Variants in RASGEF1A observed in about 807,000 individuals in gnomAD.
The protein encoded by RASGEF1A is ras-GEF domain-containing family member 1A.
In RASGEF1A, 18 loss-of-function variants were observed where a neutral mutation model predicts 56.4. That is an observed-to-expected ratio of 0.32 (90% CI 0.22 to 0.47). RASGEF1A has a LOEUF of 0.47. Among genes scored for constraint, RASGEF1A ranks in the 20% least tolerant of loss-of-function variants. RASGEF1A has a pLI of 1.00. For missense variants in RASGEF1A, 422 were observed against 627.1 expected, an observed-to-expected ratio of 0.67 and a Z score of 3.49; for synonymous variants, 245 against 242.6, an observed-to-expected ratio of 1.01 and a Z score of -0.09.
At chr10:43,206,234 G>A (rs1839994334) in intron 1 of RASGEF1A, 112 bp from the exon 2 acceptor site, 1 of 905,472 alleles carries the variant, frequency 1.1e-6, no homozygotes, top group South Asian at 1.7e-5. Flanking sequence ...TGCGTGGCAG[G>A]GGCGCAGCGG....
intron 1 of RASGEF1A, among the ~76,000 whole-genome samples, chr10:43,225,576 GGTGT>G (rs139307816): frequency 1.9e-3 from 274 of 146,162 alleles, no homozygotes; most frequent in African/African-American, 5.9e-3. Flanking sequence ...TCTGTGTATG[GGTGT>G]GTGTGTGTGT....
At chr10:43,238,194 T>G (rs1239833439) in intron 1 of RASGEF1A, among the ~76,000 whole-genome samples, 1 of 151,250 alleles carries the variant, frequency 6.6e-6, no homozygotes, top group Non-Finnish European at 1.5e-5. Context: ...CATGTCGACT[T>G]AAAGGGGTCT....
chr10:43,233,961 G>A (rs187751109), intron 1 of RASGEF1A, among the ~76,000 whole-genome samples: 98 of 152,304 alleles, frequency 6.4e-4, no homozygotes, highest in African/African-American at 2.2e-3. Context: ...CCACAGGCAA[G>A]GGCAGGGAGT....
intron 1 of RASGEF1A, among the ~76,000 whole-genome samples, chr10:43,211,657 C>T (rs1245963295): frequency 6.6e-6 from 1 of 152,184 alleles, no homozygotes; most frequent in East Asian, 1.9e-4. Flanking sequence ...GCTGTCCCTC[C>T]TTGGTCTGCC....
Position 43,201,964 on chromosome 10 carries a change from C to G in RASGEF1A, c.322-19G>C. 1 of 1,592,020 alleles carries G rather than the reference C, an allele frequency of 6.3e-7. No homozygotes were observed. Among genetic ancestry groups the G allele is most frequent in the Non-Finnish European group, 8.6e-7 (1 of 1,166,176 alleles). ...GCTTGGCCTGGGGCAGCAGGGGATA[C>G]AGAGTAAGGCCCCACAGGGCAGAGT... On this transcript the variant is annotated intron_variant, in intron 3 of 12. Coordinates refer to ENST00000395810, the MANE Select transcript of RASGEF1A (RefSeq NM_145313.4).
intron 1 of RASGEF1A, among the ~76,000 whole-genome samples, chr10:43,259,808 C>T (rs1189073094): frequency 6.6e-6 from 1 of 152,120 alleles, no homozygotes; most frequent in African/African-American, 2.4e-5. Flanking sequence ...TGGGGCCATC[C>T]AGCTGAGCCC....
chr10:43,252,916 G>T (rs535442590), intron 1 of RASGEF1A, among the ~76,000 whole-genome samples: 1 of 152,086 alleles, frequency 6.6e-6, no homozygotes, highest in South Asian at 2.1e-4. Context: ...CTCATCGTCC[G>T]CACCCCACTG....
intron 1 of RASGEF1A, among the ~76,000 whole-genome samples, chr10:43,238,958 T>C (rs1364957449): frequency 4.6e-5 from 7 of 152,236 alleles, no homozygotes; most frequent in Admixed American, 4.6e-4. Flanking sequence ...AGAAGTTTCT[T>C]TCTTAGTCAT....
chr10:43,250,356 C>A (rs899620513), intron 1 of RASGEF1A, among the ~76,000 whole-genome samples: 1 of 152,204 alleles, frequency 6.6e-6, no homozygotes, highest in Non-Finnish European at 1.5e-5. Flanking sequence ...GACGCAGAGA[C>A]CACCTCCCAG....
chr10:43,243,857 C>T (rs1202423159), intron 1 of RASGEF1A, among the ~76,000 whole-genome samples: 1 of 152,172 alleles, frequency 6.6e-6, no homozygotes, highest in African/African-American at 2.4e-5. Flanking sequence ...CCAGGCCGCC[C>T]CGTCTGGGAA....
chr10:43,262,596 G>C (rs1836550006), intron 1 of RASGEF1A, among the ~76,000 whole-genome samples: 1 of 152,246 alleles, frequency 6.6e-6, no homozygotes, highest in African/African-American at 2.4e-5. Context: ...TGCCAGCATA[G>C]CCACTGTCTC....
intron 1 of RASGEF1A, among the ~76,000 whole-genome samples, chr10:43,261,625 C>T (rs1011220288): frequency 2.0e-5 from 3 of 152,232 alleles, no homozygotes; most frequent in African/African-American, 7.2e-5. Context: ...AAGCCCCATC[C>T]TCCCAGCTGG....
At chr10:43,256,481 A>T (rs1262688880) in intron 1 of RASGEF1A, among the ~76,000 whole-genome samples, 1 of 152,198 alleles carries the variant, frequency 6.6e-6, no homozygotes, top group Admixed American at 6.5e-5. Context: ...GTGAATCAAT[A>T]GCCAAGGGAG....
At chr10:43,216,262 T>G (rs548105530) in intron 1 of RASGEF1A, among the ~76,000 whole-genome samples, 1 of 152,294 alleles carries the variant, frequency 6.6e-6, no homozygotes, top group Admixed American at 6.5e-5. Context: ...ACTCAGGGTC[T>G]ATGCCTACAG....
rs560483487 is a variant in RASGEF1A at position 43,261,670 on chromosome 10, C to T, written c.-7+5175G>A. Among the ~76,000 whole-genome samples, 7 of 152,332 alleles carry T rather than the reference C, an allele frequency of 4.6e-5. No individual in the cohort carries two copies. In the South Asian group the frequency reaches 1.5e-3, roughly 32 times the overall value. On this transcript the variant is annotated intron_variant, in intron 1 of 12. Transcript: ENST00000395810. ...CCTGCCTCCAGCCCACCCTTCCTCC[C>T]CCAGCTCTGAGGGCAGAGGCTTGGG...
chr10:43,217,748 A>C lies in RASGEF1A; in HGVS notation c.-6-11626T>G, dbSNP rs118069122. Among the ~76,000 whole-genome samples, 792 of 152,292 alleles carry C rather than the reference A, an allele frequency of 5.2e-3. 8 individuals are homozygous for C. The highest frequency in any genetic ancestry group is 0.044 in the South Asian group (210 of 4,826). Reference sequence around the variant, plus strand: ...CCCTCAACAGCAGGTGCGCCACATCAGAGCCCCTTCCCACAACCGGGCTGC... The same window carrying C: ...CCCTCAACAGCAGGTGCGCCACATCCGAGCCCCTTCCCACAACCGGGCTGC... On this transcript the variant is annotated intron_variant, in intron 1 of 12. Coordinates refer to ENST00000395810, the MANE Select transcript of RASGEF1A (RefSeq NM_145313.4).
chr10:43,256,789 C>T (rs1365342624), intron 1 of RASGEF1A, among the ~76,000 whole-genome samples: 1 of 152,188 alleles, frequency 6.6e-6, no homozygotes, highest in African/African-American at 2.4e-5. Context: ...GGCATGAAAC[C>T]CCGGGCCTCT....
chr10:43,251,956 C>T (rs951243393), intron 1 of RASGEF1A, among the ~76,000 whole-genome samples: 8 of 152,232 alleles, frequency 5.3e-5, no homozygotes, highest in Non-Finnish European at 1.2e-4. Context: ...CCTGGTGATG[C>T]AGGAGCAGGC....
chr10:43,201,574 G>A (rs550492130), intron 4 of RASGEF1A, among the ~76,000 whole-genome samples: 3 of 152,304 alleles, frequency 2.0e-5, no homozygotes, highest in East Asian at 3.9e-4. Context: ...TGCCAGGCCC[G>A]CAACCGGGCT....
Sources: allele counts gnomAD v4.1 joint callset (sites outside exome capture counted in the v4.1 genomes callset), GRCh38; gene constraint gnomAD v4.1.1; transcripts MANE v1.5; gene names NCBI Gene and HGNC (gene_info 2026-07-23, HGNC 2026-07-21).